The following IGSF5 variants were observed in gnomAD, a reference collection of about 807,000 sequenced individuals.
IGSF5 encodes the protein immunoglobulin superfamily 5 like.
IGSF5 carries 41 observed loss-of-function variants against 39.4 expected under a neutral mutation model. That is an observed-to-expected ratio of 1.04 (90% CI 0.81 to 1.35). IGSF5 has a LOEUF of 1.35. Ranked by LOEUF, IGSF5 falls within the 40% of genes most tolerant of loss-of-function variation. The pLI, the probability that IGSF5 is intolerant of heterozygous loss-of-function variation, is 0.00. For missense variants in IGSF5, 487 were observed against 494.6 expected, an observed-to-expected ratio of 0.98 and a Z score of 0.15; for synonymous variants, 183 against 175.3, an observed-to-expected ratio of 1.04 and a Z score of -0.34.
chr21:39,723,686 C>T, the IGSF5 span, among the ~76,000 whole-genome samples: 5 of 152,110 alleles, frequency 3.3e-5, no homozygotes, highest in Admixed American at 1.3e-4. Context: ...AGAATGTATT[C>T]CCTAAAGCAA....
intron 2 of IGSF5, among the ~76,000 whole-genome samples, chr21:39,753,440 T>C (rs1398237758): frequency 6.6e-6 from 1 of 152,204 alleles, no homozygotes; most frequent in African/African-American, 2.4e-5. Flanking sequence ...GCCTCCAGAT[T>C]TATACTCTAC....
intron 5 of IGSF5, 71 bp from the exon 6 acceptor site, chr21:39,788,096 A>C: frequency 7.9e-7 from 1 of 1,265,992 alleles, no homozygotes; most frequent in Admixed American, 2.0e-5. Flanking sequence ...GGAGTGTATA[A>C]AAATTAATGA....
intron 3 of IGSF5, among the ~76,000 whole-genome samples, chr21:39,770,411 C>A (rs2080107922): frequency 6.6e-6 from 1 of 152,110 alleles, no homozygotes; most frequent in Non-Finnish European, 1.5e-5. Flanking sequence ...ATGTTTAAGA[C>A]CATATGACCC....
At chr21:39,779,378 C>A in intron 5 of IGSF5, 73 bp downstream of exon 5, 1 of 1,541,460 alleles carries the variant, frequency 6.5e-7, no homozygotes, top group South Asian at 1.2e-5. Context: ...TTAATGAACT[C>A]ATCAGCTCTT....
chr21:39,726,998 G>A, the IGSF5 span, among the ~76,000 whole-genome samples: 1 of 152,158 alleles, frequency 6.6e-6, no homozygotes, highest in Non-Finnish European at 1.5e-5. Context: ...TGCTCCCCAG[G>A]GTTGGCCTCG....
chr21:39,799,523 T>C (rs962787167), intron 8 of IGSF5, among the ~76,000 whole-genome samples: 5 of 152,040 alleles, frequency 3.3e-5, no homozygotes, highest in African/African-American at 1.2e-4. Flanking sequence ...TTTGTCCCAG[T>C]GTGAAAACTC....
the IGSF5 span, among the ~76,000 whole-genome samples, chr21:39,735,596 A>T: frequency 6.6e-6 from 1 of 152,244 alleles, no homozygotes; most frequent in Non-Finnish European, 1.5e-5. Flanking sequence ...TTTAAAAAAG[A>T]TAACATCATG....
At chr21:39,760,327 G>T (rs764789545) in intron 2 of IGSF5, among the ~76,000 whole-genome samples, 115 of 152,196 alleles carry the variant, frequency 7.6e-4, no homozygotes, top group Non-Finnish European at 1.6e-3. Context: ...AGAACTTAGA[G>T]CCCAGTAGGG....
the IGSF5 span, among the ~76,000 whole-genome samples, chr21:39,726,761 C>T: frequency 2.0e-5 from 3 of 152,196 alleles, no homozygotes; most frequent in African/African-American, 7.2e-5. Flanking sequence ...TGTTCTCCTG[C>T]CAGCACCCCT....
intron 4 of IGSF5, among the ~76,000 whole-genome samples, chr21:39,778,652 G>A (rs761469501): frequency 4.3e-4 from 66 of 152,298 alleles, no homozygotes; most frequent in Non-Finnish European, 8.2e-4. Flanking sequence ...TCCTCTGGGC[G>A]CTGGACTCTC....
At position 39,765,789 on chromosome 21, in the gene IGSF5, G is replaced by T. The variant is rs769562902; in HGVS notation, c.355G>T (p.Gly119Trp). 1.9e-6 allele frequency: 3 copies of T among 1,613,932 alleles called. No homozygotes were observed. The African/African-American group carries it at 4.0e-5, about 22-fold the overall frequency. Residue 119 changes from glycine to tryptophan, a missense_variant, in exon 3 of 9, where the codon GGG becomes TGG. Gly to Trp is a radical substitution (Grantham distance 184). Coordinates refer to ENST00000380588, the MANE Select transcript of IGSF5 (RefSeq NM_001080444.2). ...CCACAATGTGGAGCCCAGTGATTCG[G>T]GGAACATCAGATGCAGCCTCCAGAA... ...IIHNVEPSDS[G>W]NIRCSLQNSR... is the part of the protein sequence containing the mutation.
chr21:39,757,938 A>G (rs545625773), intron 2 of IGSF5, among the ~76,000 whole-genome samples: 5 of 152,060 alleles, frequency 3.3e-5, no homozygotes, highest in Admixed American at 2.6e-4. Context: ...CGCTGATCCA[A>G]TGTGTCCACG....
chr21:39,799,893 AAG>A (rs2146298107), intron 8 of IGSF5, among the ~76,000 whole-genome samples: 1 of 152,306 alleles, frequency 6.6e-6, no homozygotes, highest in East Asian at 1.9e-4. Flanking sequence ...AGAAGGAAAA[AAG>A]AGATTCATTT....
chr21:39,744,460 T>C (rs1277588918), upstream of IGSF5, among the ~76,000 whole-genome samples: 1 of 152,248 alleles, frequency 6.6e-6, no homozygotes, highest in East Asian at 1.9e-4. Context: ...GACCAATTAT[T>C]AGGCAATTTT....
the IGSF5 span, among the ~76,000 whole-genome samples, chr21:39,715,799 A>G: frequency 6.6e-6 from 1 of 152,188 alleles, no homozygotes; most frequent in Admixed American, 6.5e-5. Flanking sequence ...TATAATTAGC[A>G]TAATTTACAG....
rs147678395 is a variant in IGSF5, at chr21:39,795,014, T to C, written c.1128+1401T>C. Among the ~76,000 whole-genome samples the C allele has an allele frequency of 1.4e-3, 210 of 152,164 alleles. 3 individuals are homozygous for C. Among genetic ancestry groups the C allele is most frequent in the Admixed American group, 4.7e-3 (72 of 15,296 alleles). ...TATTGGGAAAACCTAAGTGATACTA[T>C]TAATATTAGTGTCAACACAGGTAGC... On this transcript the variant is annotated intron_variant, in intron 8 of 8. Transcript: ENST00000380588.
At chr21:39,711,885 C>T in the IGSF5 span, among the ~76,000 whole-genome samples, 18 of 152,248 alleles carry the variant, frequency 1.2e-4, no homozygotes, top group African/African-American at 4.3e-4. Context: ...GATGGTGACA[C>T]CTTTTCTTGC....
chr21:39,792,095 C>G lies in IGSF5; in HGVS notation c.1044C>G (p.Thr348=), dbSNP rs770024399. 9.4e-6 allele frequency: 15 copies of G among 1,603,960 alleles called. No homozygotes were observed. In the South Asian group the frequency reaches 1.6e-4, roughly 17 times the overall value. The change falls in exon 7 of 9, where the codon ACC becomes ACG. Residue 348 remains threonine (T), a synonymous_variant. Coordinates refer to ENST00000380588, the MANE Select transcript of IGSF5 (RefSeq NM_001080444.2). Reference sequence around the variant, plus strand: ...GCTACAATTCAGATGAACAAAAGACCACAGGTGAGTAGACAAGAGGGGTGG... The same window carrying G: ...GCTACAATTCAGATGAACAAAAGACGACAGGTGAGTAGACAAGAGGGGTGG... ...NSGYNSDEQK[T]TDTASLPPKS... is the part of the protein sequence containing the mutation.
chr21:39,796,920 G>A (rs947795581), intron 8 of IGSF5, among the ~76,000 whole-genome samples: 2 of 152,178 alleles, frequency 1.3e-5, no homozygotes, highest in Admixed American at 6.5e-5. Flanking sequence ...TTAATAGATC[G>A]CAGAACAGGA....
Sources: allele counts gnomAD v4.1 joint callset (sites outside exome capture counted in the v4.1 genomes callset), GRCh38; gene constraint gnomAD v4.1.1; transcripts MANE v1.5; gene names NCBI Gene and HGNC (gene_info 2026-07-23, HGNC 2026-07-21).